The following DLG2 variants were observed in gnomAD, a reference collection of about 807,000 sequenced individuals.
DLG2 encodes disks large homolog 2.
Under a neutral mutation model 132.5 loss-of-function variants are expected in DLG2, and 45 were observed. That is an observed-to-expected ratio of 0.34 (90% CI 0.27 to 0.44). DLG2 has a LOEUF of 0.44. Ranked by LOEUF, DLG2 falls within the 20% of genes least tolerant of loss-of-function variation. The probability of loss-of-function intolerance (pLI) is 1.00; values close to 1 mark genes in which losing one functional copy is unlikely to be tolerated. For missense variants in DLG2, 1,045 were observed against 1,196.9 expected, an observed-to-expected ratio of 0.87 and a Z score of 1.87; for synonymous variants, 424 against 419.6, an observed-to-expected ratio of 1.01 and a Z score of -0.13.
chr11:84,881,550 G>C (rs2087343161), intron 6 of DLG2, among the ~76,000 whole-genome samples: 1 of 152,050 alleles, frequency 6.6e-6, no homozygotes, highest in Non-Finnish European at 1.5e-5. Flanking sequence ...CTGACATTTG[G>C]GGCACATGAT....
At chr11:84,092,073 T>C (rs1343803490) in intron 10 of DLG2, among the ~76,000 whole-genome samples, 1 of 152,236 alleles carries the variant, frequency 6.6e-6, no homozygotes, top group Non-Finnish European at 1.5e-5. Flanking sequence ...TCCATTTTGA[T>C]TAAATCAAAG....
chr11:83,624,692 C>T (rs947203549), intron 19 of DLG2, among the ~76,000 whole-genome samples: 1 of 152,212 alleles, frequency 6.6e-6, no homozygotes, highest in African/African-American at 2.4e-5. Flanking sequence ...GAACTAGGTA[C>T]TATGTCCATT....
chr11:84,151,389 G>C (rs868587240), intron 9 of DLG2, among the ~76,000 whole-genome samples: 1 of 152,196 alleles, frequency 6.6e-6, no homozygotes, highest in African/African-American at 2.4e-5. Flanking sequence ...TGTGGGATCA[G>C]TTGTGATGTT....
intron 4 of DLG2, among the ~76,000 whole-genome samples, chr11:85,225,050 T>C (rs915726374): frequency 1.5e-4 from 23 of 152,116 alleles, no homozygotes; most frequent in Non-Finnish European, 2.8e-4. Context: ...GTTTGAAATA[T>C]AAGTCTTTGT....
At chr11:85,556,947 CT>C (rs1484663990) in intron 3 of DLG2, among the ~76,000 whole-genome samples, 3 of 151,744 alleles carry the variant, frequency 2.0e-5, no homozygotes, top group African/African-American at 7.3e-5. Flanking sequence ...GTCCTAGCCA[CT>C]GCAATCAGGC....
At chr11:84,339,489 T>C (rs2098504190) in intron 7 of DLG2, among the ~76,000 whole-genome samples, 2 of 152,234 alleles carry the variant, frequency 1.3e-5, no homozygotes, top group Non-Finnish European at 2.9e-5. Flanking sequence ...TTTTTCTCTT[T>C]ATTTTTAAGA....
intron 7 of DLG2, among the ~76,000 whole-genome samples, chr11:84,377,678 C>G (rs1222160759): frequency 2.0e-5 from 3 of 152,224 alleles, no homozygotes; most frequent in Admixed American, 6.5e-5. Flanking sequence ...ATCGTATCTA[C>G]TATTGTATTG....
intron 7 of DLG2, among the ~76,000 whole-genome samples, chr11:84,289,137 T>C (rs2097951030): frequency 6.6e-6 from 1 of 152,086 alleles, no homozygotes; most frequent in South Asian, 2.1e-4. Flanking sequence ...ACTGCCATGA[T>C]GAAGAGTTTC....
At chr11:83,549,360 G>A (rs898735140) in intron 19 of DLG2, among the ~76,000 whole-genome samples, 2 of 151,992 alleles carry the variant, frequency 1.3e-5, no homozygotes, top group Non-Finnish European at 2.9e-5. Flanking sequence ...GAGAAAATAA[G>A]TGGAGTAATC....
At chr11:84,811,994 C>G (rs2076608508) in intron 6 of DLG2, among the ~76,000 whole-genome samples, 1 of 151,988 alleles carries the variant, frequency 6.6e-6, no homozygotes, top group Admixed American at 6.6e-5. Context: ...AGAACATGGC[C>G]CCAGAACTGA....
chr11:83,951,686 T>G (rs2085476622), intron 14 of DLG2, among the ~76,000 whole-genome samples: 1 of 151,720 alleles, frequency 6.6e-6, no homozygotes, highest in African/African-American at 2.4e-5. Flanking sequence ...AAGGGAGTGG[T>G]GGGGGATGAG....
At chr11:84,312,802 A>G (rs1440819986) in intron 7 of DLG2, among the ~76,000 whole-genome samples, 9 of 151,752 alleles carry the variant, frequency 5.9e-5, no homozygotes, top group Admixed American at 3.3e-4. Flanking sequence ...TTTATTTTTT[A>G]TTATTATTAG....
chr11:84,202,765 A>C (rs924553139), intron 8 of DLG2, among the ~76,000 whole-genome samples: 1 of 150,070 alleles, frequency 6.7e-6, no homozygotes, highest in Non-Finnish European at 1.5e-5. Flanking sequence ...CTCAAACATT[A>C]CACACACACA....
intron 3 of DLG2, among the ~76,000 whole-genome samples, chr11:85,566,626 G>A (rs1351798308): frequency 6.6e-6 from 1 of 152,016 alleles, no homozygotes; most frequent in Non-Finnish European, 1.5e-5. Flanking sequence ...GAGTTCCCAT[G>A]GTCCCATTCA....
intron 6 of DLG2, among the ~76,000 whole-genome samples, chr11:84,710,398 A>C (rs897246543): frequency 6.6e-6 from 1 of 152,000 alleles, no homozygotes; most frequent in African/African-American, 2.4e-5. Flanking sequence ...CATTTCTCCA[A>C]ATGGAGATTT....
chr11:84,510,728 T>C (rs552763365), intron 7 of DLG2, among the ~76,000 whole-genome samples: 1 of 152,200 alleles, frequency 6.6e-6, no homozygotes, highest in African/African-American at 2.4e-5. Context: ...AGGAAGACAA[T>C]GTTTTATTCA....
intron 6 of DLG2, among the ~76,000 whole-genome samples, chr11:85,108,805 C>A (rs1465321239): frequency 6.6e-6 from 1 of 151,860 alleles, no homozygotes; most frequent in Non-Finnish European, 1.5e-5. Context: ...AAAGAACAAA[C>A]CCTATCAAAA....
intron 6 of DLG2, among the ~76,000 whole-genome samples, chr11:84,535,516 T>C (rs1028434750): frequency 5.9e-5 from 9 of 152,238 alleles, no homozygotes; most frequent in Non-Finnish European, 1.3e-4. Context: ...TAAAGATTAT[T>C]GTTTGAGTCT....
chr11:85,191,887 T>C (rs2080605950), intron 4 of DLG2, among the ~76,000 whole-genome samples: 1 of 152,212 alleles, frequency 6.6e-6, no homozygotes, highest in Non-Finnish European at 1.5e-5. Context: ...GCTATTATTA[T>C]TTTCATATTA....
Sources: gnomAD v4.1 joint callset for allele counts (sites outside exome capture counted in the v4.1 genomes callset) on GRCh38, gnomAD v4.1.1 for gene constraint, MANE v1.5 for transcripts, NCBI Gene and HGNC (gene_info 2026-07-23, HGNC 2026-07-21) for gene names.